Variants in KPNB1 observed in about 807,000 individuals in gnomAD.
KPNB1 encodes karyopherin subunit beta 1, also known as importin subunit beta-1.
KPNB1 carries 7 observed loss-of-function variants against 113.0 expected under a neutral mutation model. The ratio of observed to expected loss-of-function variants is 0.06; its 90% CI spans 0.04 to 0.12. The LOEUF is 0.12. Among genes scored for constraint, KPNB1 ranks in the 10% least tolerant of loss-of-function variants. KPNB1 has a pLI of 1.00. For missense variants in KPNB1, 400 were observed against 1,054.8 expected (o/e 0.38, Z 8.60); for synonymous variants, 363 against 378.6 (o/e 0.96, Z 0.48).
chr17:47,666,940 CT>C (rs1467933465), intron 9 of KPNB1, among the ~76,000 whole-genome samples: 1 of 151,594 alleles, frequency 6.6e-6, no homozygotes, highest in Non-Finnish European at 1.5e-5. Flanking sequence ...TTTTATTGTG[CT>C]TTTCCTATTT....
At chr17:47,680,416 C>T (rs2030736326) in intron 20 of KPNB1, 92 bp from the exon 21 acceptor site, 4 of 1,421,094 alleles carry the variant, frequency 2.8e-6, no homozygotes, top group Non-Finnish European at 3.8e-6. Flanking sequence ...TTGAAATTTG[C>T]TAAGAAACCC....
In KPNB1 at chr17:47,652,712, C is replaced by T. The variant is rs1476491505; in HGVS notation, c.118C>T (p.Leu40=). 1.6e-5 allele frequency: 25 copies of T among 1,582,622 alleles called. No homozygotes were observed. Among genetic ancestry groups the T allele is most frequent in the Middle Eastern group, 1.7e-4 (1 of 5,944 alleles). The change falls in exon 3 of 22, where the codon CTG becomes TTG. Residue 40 remains leucine (L), a synonymous_variant. Coordinates refer to ENST00000290158, the MANE Select transcript of KPNB1 (RefSeq NM_002265.6). Reference sequence around the variant, plus strand: ...TTAACAGCCCACTTTCCTTGTGGAACTGTCCAGAGTGCTGGCAAATCCAGG... The same window carrying T: ...TTAACAGCCCACTTTCCTTGTGGAATTGTCCAGAGTGCTGGCAAATCCAGG... ...VENLPTFLVE[L]SRVLANPGNS...
At chr17:47,677,493 AAAATC>A (rs1220802150) in intron 17 of KPNB1, among the ~76,000 whole-genome samples, 1 of 151,478 alleles carries the variant, frequency 6.6e-6, no homozygotes, top group East Asian at 1.9e-4. Context: ...AAAAAAAAAA[AAAATC>A]AGTGACAGGG....
At chr17:47,672,344 G>C (rs966561174) in intron 12 of KPNB1, among the ~76,000 whole-genome samples, 1 of 151,914 alleles carries the variant, frequency 6.6e-6, no homozygotes, top group Non-Finnish European at 1.5e-5. Context: ...TCATGTCCAT[G>C]CCTCTTTGAG....
intron 2 of KPNB1, chr17:47,651,460 C>A: frequency 5.3e-6 from 3 of 567,870 alleles, no homozygotes; most frequent in Non-Finnish European, 6.7e-6. Context: ...AACAAAGTGA[C>A]AAGGCTTATT....
chr17:47,651,949 A>G (rs1412835339), intron 2 of KPNB1, among the ~76,000 whole-genome samples: 1 of 152,216 alleles, frequency 6.6e-6, no homozygotes, highest in East Asian at 1.9e-4. Flanking sequence ...GTAATTGTTG[A>G]TCATTAGATA....
At chr17:47,670,144 C>G (rs2030404190) in intron 11 of KPNB1, among the ~76,000 whole-genome samples, 2 of 151,956 alleles carry the variant, frequency 1.3e-5, no homozygotes, top group Admixed American at 1.3e-4. Flanking sequence ...TGCTTGGGGA[C>G]AAGAAGTTTT....
At chr17:47,666,759 C>T (rs979033419) in intron 9 of KPNB1, among the ~76,000 whole-genome samples, 2 of 151,110 alleles carry the variant, frequency 1.3e-5, no homozygotes, top group Non-Finnish European at 3.0e-5. Flanking sequence ...GCTGGGACTA[C>T]AGGCATGCAC....
chr17:47,681,878 G>C (rs1400903399), intron 21 of KPNB1, among the ~76,000 whole-genome samples: 2 of 152,048 alleles, frequency 1.3e-5, no homozygotes, highest in Non-Finnish European at 2.9e-5. Flanking sequence ...TGTCACCCAG[G>C]CTGGAGTGCA....
At chr17:47,656,150 G>A (rs981720117) in intron 3 of KPNB1, among the ~76,000 whole-genome samples, 9 of 152,088 alleles carry the variant, frequency 5.9e-5, no homozygotes, top group African/African-American at 2.2e-4. Context: ...GCTACTTGCT[G>A]GGGGGAGCTA....
At chr17:47,667,833 C>T (rs981812345) in intron 9 of KPNB1, among the ~76,000 whole-genome samples, 1 of 152,172 alleles carries the variant, frequency 6.6e-6, no homozygotes, top group African/African-American at 2.4e-5. Context: ...GCTGGGATTA[C>T]AGGCATGAGC....
At position 47,685,474 on chromosome 17, in the gene KPNB1, CTAAA is replaced by C. The variant is rs1471022283; in HGVS notation, c.*3075_*3078del. 2 of 149,926 alleles carry C rather than the reference CTAAA, an allele frequency of 1.3e-5. No individual in the cohort carries two copies. The highest frequency in any genetic ancestry group is 3.0e-5 in the Non-Finnish European group (2 of 67,660). 9.3% of individuals were successfully genotyped at this position (149,926 alleles called of 1,614,324 possible). A position where few individuals can be genotyped will look rare whatever the true frequency, so the allele number is the denominator to read the frequency against. On this transcript the variant is annotated 3_prime_UTR_variant, in exon 22 of 22. Coordinates refer to ENST00000290158, the MANE Select transcript of KPNB1 (RefSeq NM_002265.6). ...AACCGATAACCACCACCTTTATCTT[CTAAA>C]TAAAGTCCGCTTTATTTTTATTTTC...
chr17:47,666,992 A>G (rs1349603116), intron 9 of KPNB1, among the ~76,000 whole-genome samples: 1 of 152,238 alleles, frequency 6.6e-6, no homozygotes, highest in Non-Finnish European at 1.5e-5. Context: ...GAAACTGCAT[A>G]GGCAACCTGC....
chr17:47,682,913 G>A lies in KPNB1; in HGVS notation c.*509G>A, dbSNP rs1292526602. Reference sequence around the variant, plus strand: ...GCCACATGGTACTGTATGCTTGCCAGCTAGAAGGAGGGTCAGGGATTTTTT... The same window carrying A: ...GCCACATGGTACTGTATGCTTGCCAACTAGAAGGAGGGTCAGGGATTTTTT... On this transcript the variant is annotated 3_prime_UTR_variant, in exon 22 of 22. Coordinates refer to ENST00000290158, the MANE Select transcript of KPNB1 (RefSeq NM_002265.6). The A allele has an allele frequency of 6.4e-6, 1 of 157,054 alleles. No homozygotes were observed. The highest frequency in any genetic ancestry group is 1.4e-5 in the Non-Finnish European group (1 of 70,604). 9.7% of individuals were successfully genotyped at this position (157,054 alleles called of 1,614,324 possible). A position where few individuals can be genotyped will look rare whatever the true frequency, so the allele number is the denominator to read the frequency against.
chr17:47,661,021 A>AGGGG, intron 5 of KPNB1, 98 bp from the exon 6 acceptor site: 1 of 884,698 alleles, frequency 1.1e-6, no homozygotes, highest in South Asian at 1.4e-5. Context: ...TGGGGCCCTG[A>AGGGG]GGGGGAGTGA....
In KPNB1 at chr17:47,682,670, G is replaced by T; in HGVS notation, c.*266G>T. 1.9e-6 allele frequency: 1 copy of T among 514,058 alleles called. No homozygotes were observed. The highest frequency in any genetic ancestry group is 3.6e-5 in the Admixed American group (1 of 27,712). 31.8% of individuals were successfully genotyped at this position (514,058 alleles called of 1,614,324 possible). A position where few individuals can be genotyped will look rare whatever the true frequency, so the allele number is the denominator to read the frequency against. ...TCTTGGAAAAGAGAAAAACAATGGAGTTACTTATTTAAAAAAAAAGAAAGA... is the reference window on the plus strand; with the variant it reads ...TCTTGGAAAAGAGAAAAACAATGGATTTACTTATTTAAAAAAAAAGAAAGA... On this transcript the variant is annotated 3_prime_UTR_variant, in exon 22 of 22. Transcript: ENST00000290158.
At chr17:47,654,451 A>G (rs1364594418) in intron 3 of KPNB1, among the ~76,000 whole-genome samples, 1 of 151,486 alleles carries the variant, frequency 6.6e-6, no homozygotes, top group African/African-American at 2.4e-5. Flanking sequence ...GATAATTTGT[A>G]TAGGCATGGT....
At chr17:47,681,049 GT>G (rs112270020) in intron 21 of KPNB1, among the ~76,000 whole-genome samples, 1 of 134,030 alleles carries the variant, frequency 7.5e-6, no homozygotes, top group Non-Finnish European at 1.7e-5. Context: ...AAAGTCAAAT[GT>G]TTTTTTGTGT....
chr17:47,679,995 C>T (rs372566526), intron 19 of KPNB1, 25 bp from the exon 20 acceptor site: 4 of 1,540,140 alleles, frequency 2.6e-6, no homozygotes, highest in African/African-American at 2.7e-5. Flanking sequence ...CCGCACCCGA[C>T]CAATACCTTC....
Sources: gnomAD v4.1 joint callset for allele counts (sites outside exome capture counted in the v4.1 genomes callset) on GRCh38, gnomAD v4.1.1 for gene constraint, MANE v1.5 for transcripts, NCBI Gene and HGNC (gene_info 2026-07-23, HGNC 2026-07-21) for gene names.